VEPH1: variants seen among roughly 807,000 people sequenced by gnomAD.
The protein encoded by VEPH1 is ventricular zone expressed PH domain containing 1.
In VEPH1, 80 loss-of-function variants were observed where a neutral mutation model predicts 85.2. That is an observed-to-expected ratio of 0.94 (90% CI 0.78 to 1.13). The LOEUF is 1.13. Ranked by LOEUF, VEPH1 falls within the 50% of genes most tolerant of loss-of-function variation. The probability of loss-of-function intolerance (pLI) is 0.00; values close to 1 mark genes in which losing one functional copy is unlikely to be tolerated. For missense variants in VEPH1, 955 were observed against 980.5 expected, an observed-to-expected ratio of 0.97 and a Z score of 0.35; for synonymous variants, 297 against 348.0, an observed-to-expected ratio of 0.85 and a Z score of 1.63.
intron 9 of VEPH1, among the ~76,000 whole-genome samples, chr3:157,338,651 G>T (rs1008470079): frequency 5.9e-5 from 9 of 152,048 alleles, no homozygotes. Flanking sequence ...TCATTTATTT[G>T]TGGCAGTCTC....
chr3:157,359,726 T>G (rs1725833378), intron 9 of VEPH1, among the ~76,000 whole-genome samples: 1 of 152,220 alleles, frequency 6.6e-6, no homozygotes, highest in Non-Finnish European at 1.5e-5. Context: ...TTCCTATTCA[T>G]TTAACATAGT....
chr3:157,388,328 T>C (rs1033865335), intron 6 of VEPH1, among the ~76,000 whole-genome samples: 1 of 152,178 alleles, frequency 6.6e-6, no homozygotes, highest in South Asian at 2.1e-4. Context: ...GAGACTTAGC[T>C]CCAGACCAAG....
Position 157,495,257 on chromosome 3 carries a change from G to A in VEPH1, c.93C>T (p.Ser31=), listed in dbSNP as rs1479412974. Residue 31 remains serine (S), a synonymous_variant, in exon 2 of 14, where the codon AGC becomes AGT. Coordinates refer to ENST00000362010, the MANE Select transcript of VEPH1 (RefSeq NM_001167912.2). ...TAATTTGCTCCAAAGCTTCTGTAAG[G>A]CTGTCTTCAATCTCAGAGTCATCTA... ...FSLDDSEIED[S]LTEALEQIKI... 6.2e-7 allele frequency: 1 copy of A among 1,613,992 alleles called. No homozygotes were observed. Among genetic ancestry groups the A allele is most frequent in the East Asian group, 2.2e-5 (1 of 44,866 alleles).
chr3:157,450,433 GT>G (rs1417044677), intron 4 of VEPH1, among the ~76,000 whole-genome samples: 9 of 151,812 alleles, frequency 5.9e-5, no homozygotes, highest in South Asian at 2.1e-4. Flanking sequence ...CTTCCTTTCT[GT>G]TATAACTTTC....
chr3:157,477,687 G>A (rs1737614990), intron 2 of VEPH1, among the ~76,000 whole-genome samples: 1 of 152,098 alleles, frequency 6.6e-6, no homozygotes, highest in South Asian at 2.1e-4. Context: ...ATGACATCAA[G>A]CCTCTGTCAT....
chr3:157,284,667 T>G (rs1048133683), intron 12 of VEPH1, among the ~76,000 whole-genome samples: 2 of 72,590 alleles, frequency 2.8e-5, no homozygotes, highest in Non-Finnish European at 6.7e-5. Flanking sequence ...AGGGTTTTGG[T>G]GAAAAAAAAA....
chr3:157,477,621 A>T (rs1442264610), intron 2 of VEPH1, among the ~76,000 whole-genome samples: 3 of 152,196 alleles, frequency 2.0e-5, no homozygotes, highest in Admixed American at 1.3e-4. Context: ...TGCCCATGAG[A>T]GCATTCATCA....
chr3:157,443,190 A>C (rs1210872895), intron 4 of VEPH1: 1 of 525,538 alleles, frequency 1.9e-6, no homozygotes, highest in African/African-American at 1.9e-5. Context: ...ATGTTACTAG[A>C]CTTTATGCCA....
chr3:157,261,441 A>G, intron 13 of VEPH1, 71 bp from the exon 14 acceptor site: 2 of 1,571,070 alleles, frequency 1.3e-6, no homozygotes, highest in Middle Eastern at 2.1e-4. Context: ...CTACTGGAGA[A>G]CTTTCTAAGA....
chr3:157,457,679 G>A (rs552250325), intron 4 of VEPH1, among the ~76,000 whole-genome samples: 1 of 152,298 alleles, frequency 6.6e-6, no homozygotes, highest in Non-Finnish European at 1.5e-5. Flanking sequence ...TTATTGATTT[G>A]CATATGTTCA....
At chr3:157,489,355 T>C in intron 2 of VEPH1, 1 of 352,946 alleles carries the variant, frequency 2.8e-6, no homozygotes, top group South Asian at 2.2e-5. Context: ...TTGTACTTAA[T>C]GGTCCTTCTG....
chr3:157,459,837 G>C (rs1735670078), intron 4 of VEPH1: 2 of 1,519,512 alleles, frequency 1.3e-6, no homozygotes, highest in South Asian at 2.4e-5. Flanking sequence ...ACCCCACTGA[G>C]TGACGTGTTC....
intron 4 of VEPH1, among the ~76,000 whole-genome samples, chr3:157,449,419 A>G (rs1008983953): frequency 6.6e-6 from 1 of 152,160 alleles, no homozygotes; most frequent in African/African-American, 2.4e-5. Context: ...AAAACCATTT[A>G]TTGAATAGTC....
At chr3:157,473,741 G>A (rs1737192413) in intron 2 of VEPH1, among the ~76,000 whole-genome samples, 2 of 152,038 alleles carry the variant, frequency 1.3e-5, no homozygotes, top group Non-Finnish European at 2.9e-5. Context: ...GCATTATGCT[G>A]GCTTTTTGGG....
At chr3:157,417,822 T>C (rs974804802) in intron 5 of VEPH1, among the ~76,000 whole-genome samples, 3 of 152,170 alleles carry the variant, frequency 2.0e-5, no homozygotes, top group Non-Finnish European at 4.4e-5. Flanking sequence ...TGTTCTATCC[T>C]CCTCCCTGAC....
At chr3:157,343,555 A>T (rs1179223930) in intron 9 of VEPH1, among the ~76,000 whole-genome samples, 1 of 152,208 alleles carries the variant, frequency 6.6e-6, no homozygotes, top group Admixed American at 6.5e-5. Flanking sequence ...AACCAAAAAA[A>T]GTCCAGGACC....
intron 9 of VEPH1, among the ~76,000 whole-genome samples, chr3:157,351,863 A>G (rs1347961558): frequency 1.3e-5 from 2 of 152,190 alleles, no homozygotes; most frequent in Admixed American, 6.5e-5. Context: ...GCATTGTAGT[A>G]TATTTAGCAG....
chr3:157,359,961 T>C (rs1217235717), intron 9 of VEPH1, among the ~76,000 whole-genome samples: 1 of 152,236 alleles, frequency 6.6e-6, no homozygotes. Context: ...ACTTTAAATG[T>C]TTCAGAAGTG....
intron 7 of VEPH1, among the ~76,000 whole-genome samples, chr3:157,369,369 T>C (rs559780211): frequency 7.0e-4 from 107 of 152,104 alleles, no homozygotes; most frequent in African/African-American, 2.6e-3. Flanking sequence ...ATATGAAGAA[T>C]GAAGAAGCAA....
Sources: gnomAD v4.1 joint callset for allele counts (sites outside exome capture counted in the v4.1 genomes callset) on GRCh38, gnomAD v4.1.1 for gene constraint, MANE v1.5 for transcripts, NCBI Gene and HGNC (gene_info 2026-07-23, HGNC 2026-07-21) for gene names.